Variants in TRIM54 observed in about 807,000 individuals in gnomAD.
The protein encoded by TRIM54 is tripartite motif-containing protein 54.
A neutral mutation model predicts 42.0 loss-of-function variants in TRIM54; 40 were observed. That is an observed-to-expected ratio of 0.95 (90% CI 0.74 to 1.24). TRIM54 has a LOEUF of 1.24. Ranked by LOEUF, TRIM54 falls within the 50% of genes most tolerant of loss-of-function variation. The pLI is 0.00. For synonymous variants in TRIM54, 199 were observed against 194.9 expected, an observed-to-expected ratio of 1.02 and a Z score of -0.17; for missense variants, 485 against 480.3, an observed-to-expected ratio of 1.01 and a Z score of -0.09.
intron 1 of TRIM54, among the ~76,000 whole-genome samples, chr2:27,296,226 C>T (rs1678862518): frequency 6.6e-6 from 1 of 152,224 alleles, no homozygotes; most frequent in Non-Finnish European, 1.5e-5. Context: ...TTGCTGCACA[C>T]ACGCAAGGGG....
intron 1 of TRIM54, among the ~76,000 whole-genome samples, chr2:27,291,658 G>A (rs917515801): frequency 6.6e-6 from 1 of 152,202 alleles, no homozygotes; most frequent in East Asian, 1.9e-4. Flanking sequence ...CAAGTCAAAT[G>A]TAGTCTTAAT....
intron 3 of TRIM54, 80 bp from the exon 4 acceptor site, chr2:27,304,879 C>G (rs1679144038): frequency 1.5e-6 from 2 of 1,342,040 alleles, no homozygotes; most frequent in Non-Finnish European, 2.1e-6. Context: ...CCAGCCCTCT[C>G]CTAGGCAACC....
At position 27,306,490 on chromosome 2, in the gene TRIM54, C is replaced by A. The variant is rs764894878; in HGVS notation, c.1026C>A (p.Asp342Glu). 11 of 1,585,064 alleles carry A rather than the reference C, an allele frequency of 6.9e-6. No homozygotes were observed. Among genetic ancestry groups the A allele is most frequent in the South Asian group, 2.3e-5 (2 of 88,184 alleles). The change falls in exon 8 of 9, where the codon GAC becomes GAA. Residue 342 changes from aspartate to glutamate, a missense_variant. By Grantham distance (45) the Asp-to-Glu change is conservative. Coordinates refer to ENST00000380075, the MANE Select transcript of TRIM54 (RefSeq NM_187841.3). This position sits in a 1 kb window ranked among gnomAD's most constrained non-coding sequence, Gnocchi z 6.1. ...ASGEEEEVAPDGEEGSAGPEE... is the reference protein window; with the variant it reads ...ASGEEEEVAPEGEEGSAGPEE... ...GGGAGGAAGAGGAGGTGGCCCCAGA[C>A]GGAGAGGAGGGCAGCGCGGGGCCGG...
Position 27,306,605 on chromosome 2 carries a change from C to G in TRIM54, c.*1+63C>G. 2 of 1,424,712 alleles carry G rather than the reference C, an allele frequency of 1.4e-6. No homozygotes were observed. The highest frequency in any genetic ancestry group is 1.9e-6 in the Non-Finnish European group (2 of 1,071,524). 88.3% of individuals were successfully genotyped at this position (1,424,712 alleles called of 1,614,324 possible). The stretch of plus-strand genomic sequence containing the variant: ...CTGAGGGGCTTGGGGTGGGGCCTGG[C>G]TGGTGTGCTCGCGTCCCCTCCCCCA... On this transcript the variant is annotated intron_variant, in intron 8 of 8. Transcript: ENST00000380075. The surrounding 1 kb of genome is among the most constrained non-coding windows in gnomAD (Gnocchi z 6.1).
intron 1 of TRIM54, among the ~76,000 whole-genome samples, chr2:27,290,743 C>T (rs1232146205): frequency 2.6e-5 from 4 of 152,148 alleles, no homozygotes; most frequent in African/African-American, 9.7e-5. Context: ...CTGTGATTTC[C>T]GTTGGTGACA....
chr2:27,294,045 C>T (rs1486344233), intron 1 of TRIM54, among the ~76,000 whole-genome samples: 6 of 151,772 alleles, frequency 4.0e-5, no homozygotes, highest in East Asian at 1.9e-4. Context: ...ACAATAATAA[C>T]AACAACAACA....
intron 1 of TRIM54, among the ~76,000 whole-genome samples, chr2:27,294,693 C>A (rs989761988): frequency 3.3e-5 from 5 of 151,576 alleles, no homozygotes; most frequent in African/African-American, 1.2e-4. Flanking sequence ...AGATTGAGAC[C>A]ATCTGGCCAA....
intron 2 of TRIM54, 114 bp from the exon 3 acceptor site, chr2:27,299,131 C>T: frequency 8.0e-7 from 1 of 1,242,854 alleles, no homozygotes; most frequent in Non-Finnish European, 1.1e-6. Flanking sequence ...AGTTCAGCCA[C>T]AGCACTAGCT....
chr2:27,295,454 C>T (rs1678840059), intron 1 of TRIM54, among the ~76,000 whole-genome samples: 1 of 152,112 alleles, frequency 6.6e-6, no homozygotes, highest in African/African-American at 2.4e-5. Flanking sequence ...ATAACAGGCG[C>T]CTGCCACCGC....
At chr2:27,284,578 G>A (rs1394307781) in intron 1 of TRIM54, among the ~76,000 whole-genome samples, 3 of 151,830 alleles carry the variant, frequency 2.0e-5, no homozygotes, top group Admixed American at 2.0e-4. Context: ...GTGCCTCCTC[G>A]TCCTGGGCAT....
chr2:27,292,425 T>C (rs532117356), intron 1 of TRIM54, among the ~76,000 whole-genome samples: 23 of 152,124 alleles, frequency 1.5e-4, no homozygotes, highest in South Asian at 1.5e-3. Flanking sequence ...TTTTTAAAAA[T>C]TAGCTGGGCA....
At chr2:27,297,832 T>C (rs897111653) in intron 1 of TRIM54, among the ~76,000 whole-genome samples, 4 of 151,502 alleles carry the variant, frequency 2.6e-5, no homozygotes, top group Admixed American at 1.3e-4. Context: ...ATAAAAAAAA[T>C]TATCTGGGCA....
chr2:27,290,595 G>A (rs1271239823), intron 1 of TRIM54, among the ~76,000 whole-genome samples: 2 of 152,176 alleles, frequency 1.3e-5, no homozygotes, highest in Admixed American at 6.5e-5. Context: ...GCAGTGAGCC[G>A]AGATTGTGCC....
chr2:27,290,097 C>T (rs1168295450), intron 1 of TRIM54, among the ~76,000 whole-genome samples: 2 of 151,724 alleles, frequency 1.3e-5, no homozygotes, highest in African/African-American at 4.8e-5. Context: ...GTCTCAAACT[C>T]CTGACCTCAA....
In TRIM54 at chr2:27,291,821, T is replaced by C. The variant is rs571494455; in HGVS notation, c.169-6746T>C. 6.6e-4 allele frequency among the ~76,000 whole-genome samples: 101 copies of C among 152,126 alleles called. No individual in the cohort carries two copies. In the South Asian group the frequency reaches 0.017, roughly 26 times the overall value. ...GAAAGCCAGCCAGGCCCGACGGAGA[T>C]ATGGCAGGAGAAATTGGACTTGTGA... is the stretch of plus-strand genomic sequence containing the variant. On this transcript the variant is annotated intron_variant, in intron 1 of 8. Transcript: ENST00000380075.
intron 1 of TRIM54, among the ~76,000 whole-genome samples, chr2:27,298,239 C>G (rs114605943): frequency 0.017 from 2,529 of 152,268 alleles, 41 homozygotes; most frequent in Non-Finnish European, 0.026. Flanking sequence ...CTGCCTCAGC[C>G]TTATTGCCAA....
At chr2:27,304,279 G>T (rs1048964820) in intron 3 of TRIM54, among the ~76,000 whole-genome samples, 28 of 143,060 alleles carry the variant, frequency 2.0e-4, no homozygotes, top group East Asian at 1.5e-3. Flanking sequence ...TATATATATA[G>T]ATAGATAGAT....
rs916726661 is a variant in TRIM54, at chr2:27,306,993, A to G, written c.*108A>G. ...CGGCGCCGGCCCCGGGAGGATCTCA[A>G]TAAAGAACTCGAGCGTCCCAGACCC... On this transcript the variant is annotated 3_prime_UTR_variant, in exon 9 of 9. Coordinates refer to ENST00000380075, the MANE Select transcript of TRIM54 (RefSeq NM_187841.3). The surrounding 1 kb of genome is among the most constrained non-coding windows in gnomAD (Gnocchi z 6.1). The G allele has an allele frequency of 3.4e-5, 8 of 234,950 alleles. No individual in the cohort carries two copies. The highest frequency in any genetic ancestry group is 2.6e-4 in the Admixed American group (5 of 19,496). 14.6% of individuals were successfully genotyped at this position (234,950 alleles called of 1,614,324 possible).
At chr2:27,299,481 G>C (rs564644238) in intron 3 of TRIM54, 65 bp downstream of exon 3, 79 of 1,579,010 alleles carry the variant, frequency 5.0e-5, no homozygotes, top group Non-Finnish European at 6.1e-5. Flanking sequence ...CTCAGTGTCA[G>C]CCTCTTACTC....
Sources: gnomAD v4.1 joint callset for allele counts (sites outside exome capture counted in the v4.1 genomes callset) on GRCh38, gnomAD v4.1.1 for gene constraint, Gnocchi (gnomAD v3.1) non-coding constraint, MANE v1.5 for transcripts, NCBI Gene and HGNC (gene_info 2026-07-23, HGNC 2026-07-21) for gene names.